The following AOPEP variants were observed in gnomAD, a reference collection of about 807,000 sequenced individuals.
AOPEP encodes aminopeptidase O (putative), also known as aminopeptidase O.
A neutral mutation model predicts 98.1 loss-of-function variants in AOPEP; 77 were observed. The ratio of observed to expected loss-of-function variants is 0.78; its 90% CI spans 0.65 to 0.95. The LOEUF is 0.95. Among genes scored for constraint, AOPEP ranks in the 40% least tolerant of loss-of-function variants. AOPEP has a pLI of 0.00. For missense variants in AOPEP, 1,024 were observed against 1,024.7 expected (o/e 1.00, Z 0.01); for synonymous variants, 346 against 365.3 (o/e 0.95, Z 0.60).
intron 3 of AOPEP, among the ~76,000 whole-genome samples, chr9:94,789,952 C>T (rs1210760418): frequency 1.3e-5 from 2 of 151,990 alleles, no homozygotes; most frequent in Non-Finnish European, 2.9e-5. Context: ...CGGCTCACTG[C>T]AAGCTCCGCC....
At chr9:95,149,803 T>C in the AOPEP span, 1 of 1,127,698 alleles carries the variant, frequency 8.9e-7, no homozygotes, top group Non-Finnish European at 1.3e-6. Context: ...TTTTTAAGAG[T>C]ATAAAGGGTA....
the AOPEP span, among the ~76,000 whole-genome samples, chr9:95,115,393 G>A: frequency 2.0e-5 from 3 of 152,194 alleles, no homozygotes; most frequent in East Asian, 1.9e-4. Flanking sequence ...TTTCAAAATA[G>A]ACGGAGACTG....
intron 5 of AOPEP, 52 bp downstream of exon 5, chr9:94,801,054 G>A: frequency 6.2e-7 from 1 of 1,600,024 alleles, no homozygotes; most frequent in Non-Finnish European, 8.6e-7. Flanking sequence ...GAAATTCTTT[G>A]ACTATGTCTT....
the AOPEP span, among the ~76,000 whole-genome samples, chr9:95,130,007 G>A: frequency 6.6e-6 from 1 of 151,978 alleles, no homozygotes; most frequent in Non-Finnish European, 1.5e-5. Context: ...AAAACACAAG[G>A]GAAGACAAAG....
At chr9:94,756,767 CT>C (rs1251894835) in intron 1 of AOPEP, among the ~76,000 whole-genome samples, 1 of 152,114 alleles carries the variant, frequency 6.6e-6, no homozygotes, top group Non-Finnish European at 1.5e-5. Flanking sequence ...CTCCCTTTTG[CT>C]TTTGGGCAGC....
chr9:95,000,993 C>T (rs553962460), intron 11 of AOPEP, among the ~76,000 whole-genome samples: 1 of 152,176 alleles, frequency 6.6e-6, no homozygotes, highest in Non-Finnish European at 1.5e-5. Context: ...AATTTGCCAT[C>T]TGTGGCTGTT....
chr9:94,910,020 C>T (rs2051781199), intron 5 of AOPEP, among the ~76,000 whole-genome samples: 1 of 152,180 alleles, frequency 6.6e-6, no homozygotes, highest in Non-Finnish European at 1.5e-5. Flanking sequence ...CCATACTCCC[C>T]AGACTGTCTC....
chr9:95,111,591 C>T, the AOPEP span: 15 of 1,614,042 alleles, frequency 9.3e-6, no homozygotes, highest in Admixed American at 1.0e-4. Flanking sequence ...GCCCATCCTC[C>T]GAAGTGAATG....
intron 15 of AOPEP, 142 bp from the exon 16 acceptor site, chr9:95,082,433 C>T (rs1052265885): frequency 1.0e-5 from 9 of 861,900 alleles, no homozygotes; most frequent in Non-Finnish European, 1.6e-5. Context: ...CACAGTCAGC[C>T]CACGGCCTCT....
chr9:94,768,148 A>C (rs1840038424), intron 2 of AOPEP, among the ~76,000 whole-genome samples: 1 of 152,024 alleles, frequency 6.6e-6, no homozygotes, highest in South Asian at 2.1e-4. Context: ...AAAGATTCTG[A>C]CCCCCTAAAC....
intron 5 of AOPEP, among the ~76,000 whole-genome samples, chr9:94,869,276 G>T (rs1315318331): frequency 1.3e-5 from 2 of 152,126 alleles, no homozygotes; most frequent in Admixed American, 6.5e-5. Flanking sequence ...TTTGCTGTAT[G>T]TTTTAAAAAT....
intron 13 of AOPEP, among the ~76,000 whole-genome samples, chr9:95,051,358 G>A (rs888204354): frequency 2.5e-4 from 38 of 151,830 alleles, no homozygotes; most frequent in African/African-American, 8.2e-4. Context: ...AAAATGTTGG[G>A]ATTACAGGAG....
chr9:94,987,989 C>T (rs181123661), intron 11 of AOPEP, among the ~76,000 whole-genome samples: 49 of 152,230 alleles, frequency 3.2e-4, no homozygotes, highest in African/African-American at 8.7e-4. Context: ...GACAGCTCCC[C>T]GGGTAAAAAG....
At chr9:94,985,848 C>T (rs933872721) in intron 11 of AOPEP, among the ~76,000 whole-genome samples, 17 of 152,170 alleles carry the variant, frequency 1.1e-4, no homozygotes, top group Admixed American at 1.1e-3. Flanking sequence ...TGAGGCAGCA[C>T]CCAAAATGCC....
At chr9:94,905,688 G>A (rs1418515635) in intron 5 of AOPEP, among the ~76,000 whole-genome samples, 1 of 152,012 alleles carries the variant, frequency 6.6e-6, no homozygotes, top group Non-Finnish European at 1.5e-5. Context: ...GTATGCTCTG[G>A]GAAACACATG....
intron 16 of AOPEP, 100 bp from the exon 17 acceptor site, chr9:95,086,582 C>T (rs189548953): frequency 3.9e-5 from 39 of 992,590 alleles, no homozygotes; most frequent in East Asian, 2.2e-4. Flanking sequence ...TGATTAAAGT[C>T]CTCTCTTGAA....
At chr9:94,737,075 A>C (rs1831933761) in intron 1 of AOPEP, among the ~76,000 whole-genome samples, 1 of 152,024 alleles carries the variant, frequency 6.6e-6, no homozygotes, top group Non-Finnish European at 1.5e-5. Flanking sequence ...CAGGCTGTTA[A>C]TTTTGTTGGG....
At chr9:94,759,024 G>A (rs1004370892) in intron 1 of AOPEP, among the ~76,000 whole-genome samples, 4 of 151,704 alleles carry the variant, frequency 2.6e-5, no homozygotes, top group African/African-American at 9.7e-5. Context: ...TATACCTTGA[G>A]TATTTAACTA....
At chr9:94,787,277 G>A (rs1282175489) in intron 3 of AOPEP, among the ~76,000 whole-genome samples, 1 of 152,156 alleles carries the variant, frequency 6.6e-6, no homozygotes, top group Non-Finnish European at 1.5e-5. Context: ...GTGACTTCCG[G>A]TGTCTTCCCC....
Sources: gnomAD v4.1 joint callset for allele counts (sites outside exome capture counted in the v4.1 genomes callset) on GRCh38, gnomAD v4.1.1 for gene constraint, MANE v1.5 for transcripts, NCBI Gene and HGNC (gene_info 2026-07-23, HGNC 2026-07-21) for gene names.